Variants in KRCC1 observed in about 807,000 individuals in gnomAD.
The protein encoded by KRCC1 is lysine-rich coiled-coil protein 1.
In KRCC1, 3 loss-of-function variants were observed where a neutral mutation model predicts 7.4. That is an observed-to-expected ratio of 0.40 (90% CI 0.18 to 1.04). The LOEUF (loss-of-function observed/expected upper bound fraction) is 1.04. KRCC1 is among the 50% of genes least tolerant of loss of function. The pLI, the probability that KRCC1 is intolerant of heterozygous loss-of-function variation, is 0.33. For synonymous variants in KRCC1, 102 were observed against 101.6 expected (o/e 1.00, Z -0.02); for missense variants, 277 against 300.9 (o/e 0.92, Z 0.59).
intron 3 of KRCC1, among the ~76,000 whole-genome samples, chr2:88,029,833 T>TATA (rs1553450906): frequency 4.5e-5 from 6 of 133,296 alleles, no homozygotes; most frequent in South Asian, 2.5e-4. Context: ...TATATATATA[T>TATA]AAAAAAATAT....
At chr2:88,033,969 A>G (rs1290330478) in intron 3 of KRCC1, among the ~76,000 whole-genome samples, 165 bp downstream of exon 3, 1 of 152,074 alleles carries the variant, frequency 6.6e-6, no homozygotes. Context: ...TAAACAAAAT[A>G]TGGTATATTC....
In KRCC1 at chr2:88,042,863, G is replaced by C. The variant is rs189605450; in HGVS notation, c.-290-5812C>G. ...GGATAAGGGCAAGATAATACCTATG[G>C]CATGCTACAAAGAATCTACTCTCTT... is the stretch of plus-strand genomic sequence containing the variant. On this transcript the variant is annotated intron_variant, in intron 1 of 3. Coordinates refer to ENST00000347055, the MANE Select transcript of KRCC1 (RefSeq NM_016618.3). Among the ~76,000 whole-genome samples, 217 of 152,214 alleles carry C rather than the reference G, an allele frequency of 1.4e-3. 2 individuals carry two copies. Among genetic ancestry groups the C allele is most frequent in the African/African-American group, 5.0e-3 (207 of 41,534 alleles).
intron 2 of KRCC1, among the ~76,000 whole-genome samples, chr2:88,036,001 A>G (rs1673083418): frequency 6.6e-6 from 1 of 152,180 alleles, no homozygotes; most frequent in Non-Finnish European, 1.5e-5. Flanking sequence ...GCTTGAATCC[A>G]AGTTCTCTCA....
intron 3 of KRCC1, among the ~76,000 whole-genome samples, chr2:88,030,603 AC>A (rs1284642170): frequency 4.6e-5 from 7 of 152,160 alleles, no homozygotes; most frequent in African/African-American, 1.7e-4. Context: ...ACAATGAGAT[AC>A]CACTATGCAC....
At chr2:88,039,486 A>G (rs1025818518) in intron 1 of KRCC1, among the ~76,000 whole-genome samples, 2 of 152,122 alleles carry the variant, frequency 1.3e-5, no homozygotes, top group African/African-American at 4.8e-5. Flanking sequence ...CAGGAGTTTG[A>G]GACCAGCCTG....
At chr2:88,038,775 C>G (rs1673145034) in intron 1 of KRCC1, among the ~76,000 whole-genome samples, 1 of 152,120 alleles carries the variant, frequency 6.6e-6, no homozygotes, top group Admixed American at 6.6e-5. Context: ...GTGAGAAAAG[C>G]CCCTTATAAA....
chr2:88,030,675 T>G (rs2104603676), intron 3 of KRCC1, among the ~76,000 whole-genome samples: 1 of 152,314 alleles, frequency 6.6e-6, no homozygotes, highest in South Asian at 2.1e-4. Context: ...GATCTGGAAC[T>G]CTCAAATATT....
intron 1 of KRCC1, among the ~76,000 whole-genome samples, chr2:88,045,710 G>C (rs1237428802): frequency 6.6e-6 from 1 of 151,720 alleles, no homozygotes; most frequent in Non-Finnish European, 1.5e-5. Context: ...TTGAGACAGA[G>C]TCTCACTCTG....
intron 1 of KRCC1, among the ~76,000 whole-genome samples, chr2:88,045,714 C>A (rs1258316935): frequency 2.0e-5 from 3 of 151,784 alleles, no homozygotes; most frequent in Non-Finnish European, 4.4e-5. Context: ...GACAGAGTCT[C>A]ACTCTGTCGC....
At chr2:88,038,303 G>A (rs1037781314) in intron 1 of KRCC1, among the ~76,000 whole-genome samples, 1 of 152,190 alleles carries the variant, frequency 6.6e-6, no homozygotes, top group African/African-American at 2.4e-5. Flanking sequence ...AGAGCCTAAT[G>A]ATATTTGCTG....
At chr2:88,030,991 A>G (rs1672979869) in intron 3 of KRCC1, among the ~76,000 whole-genome samples, 1 of 152,208 alleles carries the variant, frequency 6.6e-6, no homozygotes, top group Non-Finnish European at 1.5e-5. Context: ...CTGCCATATA[A>G]AAGTATAGCA....
At chr2:88,039,175 A>C (rs974349804) in intron 1 of KRCC1, among the ~76,000 whole-genome samples, 1 of 152,168 alleles carries the variant, frequency 6.6e-6, no homozygotes, top group Non-Finnish European at 1.5e-5. Context: ...AACATTTAAC[A>C]TATTGCTCTT....
chr2:88,033,537 T>C (rs1253164207), intron 3 of KRCC1, among the ~76,000 whole-genome samples: 1 of 152,026 alleles, frequency 6.6e-6, no homozygotes. Flanking sequence ...AAAAAAAAAG[T>C]CACTAATAAG....
At chr2:88,041,632 C>T (rs1412766401) in intron 1 of KRCC1, among the ~76,000 whole-genome samples, 1 of 152,144 alleles carries the variant, frequency 6.6e-6, no homozygotes, top group African/African-American at 2.4e-5. Flanking sequence ...GTAACAGGAA[C>T]CACTAGAGGA....
At chr2:88,032,997 T>C (rs1673024379) in intron 3 of KRCC1, among the ~76,000 whole-genome samples, 1 of 152,128 alleles carries the variant, frequency 6.6e-6, no homozygotes, top group Admixed American at 6.5e-5. Context: ...TATGATTCCA[T>C]TTATATAAAA....
chr2:88,048,391 T>C (rs2104625142), intron 1 of KRCC1, among the ~76,000 whole-genome samples: 1 of 152,350 alleles, frequency 6.6e-6, no homozygotes, highest in African/African-American at 2.4e-5. Context: ...CGTATTTTAT[T>C]GAAGTTATCT....
At chr2:88,028,630 G>C in intron 3 of KRCC1, 45 bp from the exon 4 acceptor site, 1 of 881,516 alleles carries the variant, frequency 1.1e-6, no homozygotes, top group Non-Finnish European at 1.7e-6. Context: ...CTTGTCCTGA[G>C]CATTTCCTTT....
Position 88,028,381 on chromosome 2 carries a change from C to CAGA in KRCC1, c.182_183insTCT (p.Gln61delinsHisLeu). The CAGA allele has an allele frequency of 6.2e-7, 1 of 1,614,124 alleles. No individual in the cohort carries two copies. Among genetic ancestry groups the CAGA allele is most frequent in the South Asian group, 1.1e-5 (1 of 91,080 alleles). On this transcript the variant is annotated protein_altering_variant, in exon 4 of 4. Coordinates refer to ENST00000347055, the MANE Select transcript of KRCC1 (RefSeq NM_016618.3). ...TCTGGATGGTTTCAGATGGGAGTCT[C>CAGA]TGGTCAAACATTCTATACGTGGGTC...
chr2:88,053,319 C>G (rs1002512968), intron 1 of KRCC1, among the ~76,000 whole-genome samples: 2 of 152,200 alleles, frequency 1.3e-5, no homozygotes, highest in Non-Finnish European at 2.9e-5. Flanking sequence ...AGAAAGGTTA[C>G]TGCTAGTACT....
Sources: allele counts gnomAD v4.1 joint callset (sites outside exome capture counted in the v4.1 genomes callset), GRCh38; gene constraint gnomAD v4.1.1; transcripts MANE v1.5; gene names NCBI Gene and HGNC (gene_info 2026-07-23, HGNC 2026-07-21).